FAM20C: variants seen among roughly 807,000 people sequenced by gnomAD.
The protein encoded by FAM20C is extracellular serine/threonine protein kinase FAM20C.
In FAM20C, 40 loss-of-function variants were observed where a neutral mutation model predicts 51.5. The observed-to-expected ratio is 0.78, with a 90% CI of 0.60 to 1.01. FAM20C has a LOEUF of 1.01. Ranked by LOEUF, FAM20C falls within the 50% of genes least tolerant of loss-of-function variation. The probability of loss-of-function intolerance (pLI) is 0.00; values close to 1 mark genes in which losing one functional copy is unlikely to be tolerated. For missense variants in FAM20C, 861 were observed against 844.7 expected (o/e 1.02, Z -0.24); for synonymous variants, 406 against 380.6 (o/e 1.07, Z -0.78).
chr7:208,840 G>A, intron 2 of FAM20C, 58 bp from the exon 3 acceptor site: 1 of 1,525,714 alleles, frequency 6.6e-7, no homozygotes, highest in South Asian at 1.2e-5. Context: ...CGTCCGCACA[G>A]GAGAAGAAGG....
At chr7:240,391 G>C (rs1021235857) in intron 3 of FAM20C, among the ~76,000 whole-genome samples, 6 of 152,300 alleles carry the variant, frequency 3.9e-5, no homozygotes, top group African/African-American at 1.4e-4. Flanking sequence ...CATGGTAGAG[G>C]TAATAGTGAT....
At chr7:209,325 C>T (rs1786594461) in intron 3 of FAM20C, among the ~76,000 whole-genome samples, 1 of 152,234 alleles carries the variant, frequency 6.6e-6, no homozygotes, top group Non-Finnish European at 1.5e-5. Context: ...CCCAGCAGGC[C>T]TCCGGAGCCC....
Position 233,740 on chromosome 7 carries a change from G to A in FAM20C, c.864-12675G>A, listed in dbSNP as rs905552860. Among the ~76,000 whole-genome samples the A allele has an allele frequency of 5.9e-5, 9 of 152,312 alleles. No individual in the cohort carries two copies. In the East Asian group the frequency reaches 1.4e-3, roughly 23 times the overall value. ...ACATCTGCACTGTGCCTCCCGCCAC[G>A]CGAGGCAGCAGTCACAGGTCCTGGG... On this transcript the variant is annotated intron_variant, in intron 3 of 9. Coordinates refer to ENST00000313766, the MANE Select transcript of FAM20C (RefSeq NM_020223.4).
chr7:242,069 C>G (rs1222992913), intron 3 of FAM20C, among the ~76,000 whole-genome samples: 7 of 152,200 alleles, frequency 4.6e-5, no homozygotes, highest in African/African-American at 1.7e-4. Context: ...CCCCAGAGGC[C>G]CCCTGCGCTC....
chr7:242,152 A>G (rs1490776435), intron 3 of FAM20C, among the ~76,000 whole-genome samples: 3 of 151,996 alleles, frequency 2.0e-5, no homozygotes, highest in South Asian at 4.2e-4. Flanking sequence ...ACATCACCAC[A>G]CGGTGAGCTC....
At chr7:222,667 C>G (rs1167504981) in intron 3 of FAM20C, among the ~76,000 whole-genome samples, 2 of 152,144 alleles carry the variant, frequency 1.3e-5, no homozygotes, top group African/African-American at 4.8e-5. Flanking sequence ...CAACCAAAGG[C>G]TGGAGAGCAG....
rs1384098074 is a variant in FAM20C, at chr7:251,749, A to G, written c.1072+3319A>G. Among the ~76,000 whole-genome samples, 5 of 152,266 alleles carry G rather than the reference A, an allele frequency of 3.3e-5. No individual in the cohort carries two copies. In the East Asian group the frequency reaches 9.7e-4, roughly 30 times the overall value. ...GAGCCAGCACTTTATTAAGCGCTCC[A>G]GCAGCTTCCCTGGCCACTCCTGGTT... On this transcript the variant is annotated intron_variant, in intron 5 of 9. Transcript: ENST00000313766.
intron 3 of FAM20C, among the ~76,000 whole-genome samples, chr7:223,568 T>C (rs1193795892): frequency 6.6e-6 from 1 of 152,186 alleles, no homozygotes; most frequent in Non-Finnish European, 1.5e-5. Context: ...GACATGTCCC[T>C]GCAAGTGACG....
At chr7:196,536 G>A (rs1015100926) in intron 2 of FAM20C, among the ~76,000 whole-genome samples, 1 of 152,206 alleles carries the variant, frequency 6.6e-6, no homozygotes, top group East Asian at 1.9e-4. Flanking sequence ...GGGCCTGGGT[G>A]CACACAGCTG....
intron 3 of FAM20C, among the ~76,000 whole-genome samples, chr7:212,191 A>G (rs531198817): frequency 1.3e-5 from 2 of 152,352 alleles, no homozygotes; most frequent in African/African-American, 4.8e-5. Flanking sequence ...GGCCGGGCAC[A>G]CTGGCTCGCA....
intron 3 of FAM20C, among the ~76,000 whole-genome samples, chr7:240,748 A>C (rs1787922251): frequency 6.6e-6 from 1 of 151,996 alleles, no homozygotes; most frequent in Admixed American, 6.5e-5. Flanking sequence ...TCTCCCCTTG[A>C]GTCCAGCAAA....
chr7:193,142 G>A lies in FAM20C; in HGVS notation c.-58G>A. 1 of 1,391,586 alleles carries A rather than the reference G, an allele frequency of 7.2e-7. No homozygotes were observed. Among genetic ancestry groups the A allele is most frequent in the African/African-American group, 1.5e-5 (1 of 65,024 alleles). 86.2% of individuals were successfully genotyped at this position (1,391,586 alleles called of 1,614,324 possible). A position where few individuals can be genotyped will look rare whatever the true frequency, so the allele number is the denominator to read the frequency against. ...GGCGGCGCCGCGCTCGTGCCCAGCTGCAGCTAGAGGGGCGCGCGGGCAGAA... is the reference window on the plus strand; with the variant it reads ...GGCGGCGCCGCGCTCGTGCCCAGCTACAGCTAGAGGGGCGCGCGGGCAGAA... On this transcript the variant is annotated 5_prime_UTR_variant, in exon 1 of 10. Transcript: ENST00000313766.
chr7:198,194 G>C (rs1482537629), intron 2 of FAM20C, among the ~76,000 whole-genome samples: 2 of 152,180 alleles, frequency 1.3e-5, no homozygotes, highest in Non-Finnish European at 2.9e-5. Flanking sequence ...GGGCCAAGCA[G>C]GGCCTGCAAG....
At chr7:252,841 C>A (rs983990959) in intron 5 of FAM20C, among the ~76,000 whole-genome samples, 1 of 152,246 alleles carries the variant, frequency 6.6e-6, no homozygotes, top group African/African-American at 2.4e-5. Flanking sequence ...ATCTTCTAAG[C>A]CCCAAACGCT....
At chr7:199,100 G>A (rs1162117056) in intron 2 of FAM20C, among the ~76,000 whole-genome samples, 1 of 152,244 alleles carries the variant, frequency 6.6e-6, no homozygotes, top group Non-Finnish European at 1.5e-5. Context: ...AGGCCAGGAG[G>A]ATGTGATCTG....
chr7:222,851 T>C (rs1415731877), intron 3 of FAM20C, among the ~76,000 whole-genome samples: 1 of 145,880 alleles, frequency 6.9e-6, no homozygotes, highest in African/African-American at 2.6e-5. Context: ...ATGCATGTCC[T>C]GTGTGGGTGC....
intron 6 of FAM20C, chr7:256,292 C>A: frequency 1.7e-6 from 1 of 591,074 alleles, no homozygotes; most frequent in Non-Finnish European, 3.0e-6. Context: ...AGCGTTTGAG[C>A]TCTGCTCTCG....
chr7:259,672 T>C (rs1291935044), intron 9 of FAM20C, 59 bp from the exon 10 acceptor site: 1 of 1,429,142 alleles, frequency 7.0e-7, no homozygotes, highest in East Asian at 2.6e-5. Flanking sequence ...TCTCTCGCTT[T>C]CCCGTGGGCA....
intron 3 of FAM20C, among the ~76,000 whole-genome samples, chr7:219,602 G>T (rs1787160194): frequency 6.6e-6 from 1 of 152,176 alleles, no homozygotes; most frequent in Non-Finnish European, 1.5e-5. Context: ...AAGGCCTTGG[G>T]AGCCACAGGA....
Sources: gnomAD v4.1 joint callset for allele counts (sites outside exome capture counted in the v4.1 genomes callset) on GRCh38, gnomAD v4.1.1 for gene constraint, MANE v1.5 for transcripts, NCBI Gene and HGNC (gene_info 2026-07-23, HGNC 2026-07-21) for gene names.